ITGA8: variants seen among roughly 807,000 people sequenced by gnomAD.
The protein encoded by ITGA8 is integrin subunit alpha 8, also known as integrin alpha-8.
A neutral mutation model predicts 142.3 loss-of-function variants in ITGA8; 91 were observed. The ratio of observed to expected loss-of-function variants is 0.64; its 90% CI spans 0.54 to 0.76. The LOEUF (loss-of-function observed/expected upper bound fraction) is 0.76. Ranked by LOEUF, ITGA8 falls within the 30% of genes least tolerant of loss-of-function variation. ITGA8 has a pLI of 0.00. For missense variants in ITGA8, 1,406 were observed against 1,327.7 expected, an observed-to-expected ratio of 1.06 and a Z score of -0.92; for synonymous variants, 505 against 485.2, an observed-to-expected ratio of 1.04 and a Z score of -0.54.
chr10:15,563,678 G>A (rs1834023153), intron 25 of ITGA8, among the ~76,000 whole-genome samples: 1 of 152,184 alleles, frequency 6.6e-6, no homozygotes, highest in South Asian at 2.1e-4. Context: ...ACTTTGGGAG[G>A]CCGAGGCAGG....
At chr10:15,646,718 A>G (rs374713922) in intron 12 of ITGA8, 128 bp downstream of exon 12, 2 of 616,896 alleles carry the variant, frequency 3.2e-6, no homozygotes, top group Non-Finnish European at 2.8e-6. Flanking sequence ...GATTTGTGAT[A>G]GTTTATTAAA....
At chr10:15,531,922 G>A (rs987885757) in intron 27 of ITGA8, among the ~76,000 whole-genome samples, 1 of 151,620 alleles carries the variant, frequency 6.6e-6, no homozygotes, top group African/African-American at 2.4e-5. Flanking sequence ...TCCGACCTGG[G>A]CAACAGGATC....
intron 2 of ITGA8, among the ~76,000 whole-genome samples, chr10:15,696,449 T>A (rs1048723188): frequency 1.3e-5 from 2 of 151,868 alleles, no homozygotes; most frequent in Non-Finnish European, 2.9e-5. Flanking sequence ...TAGAAAAAAA[T>A]TTCTAAGGAT....
At chr10:15,656,542 T>G (rs181201932) in intron 10 of ITGA8, among the ~76,000 whole-genome samples, 3 of 152,040 alleles carry the variant, frequency 2.0e-5, no homozygotes, top group Admixed American at 6.5e-5. Context: ...TTTTCTATTT[T>G]TAGTAGAGAT....
chr10:15,689,395 C>T (rs1834891653), intron 2 of ITGA8, among the ~76,000 whole-genome samples: 1 of 152,122 alleles, frequency 6.6e-6, no homozygotes, highest in South Asian at 2.1e-4. Context: ...AGAAGTGATC[C>T]ACCCTCTCGC....
chr10:15,564,575 G>A (rs1307812058), intron 25 of ITGA8, among the ~76,000 whole-genome samples: 2 of 152,184 alleles, frequency 1.3e-5, no homozygotes, highest in African/African-American at 4.8e-5. Context: ...TCAGAATTTA[G>A]CCCAACAGGA....
Position 15,516,180 on chromosome 10 carries a change from T to C in ITGA8, c.*978A>G, listed in dbSNP as rs1024024465. 2.0e-5 allele frequency: 3 copies of C among 152,210 alleles called. No individual in the cohort carries two copies. The highest frequency in any genetic ancestry group is 7.2e-5 in the African/African-American group (3 of 41,462). 9.4% of individuals were successfully genotyped at this position (152,210 alleles called of 1,614,324 possible). On this transcript the variant is annotated 3_prime_UTR_variant, in exon 30 of 30. Transcript: ENST00000378076. Reference sequence around the variant, plus strand: ...AAATTGCTTTTTAATTAATGAACTCTAGACATTTTACCATGACTTTTAAAC... The same window carrying C: ...AAATTGCTTTTTAATTAATGAACTCCAGACATTTTACCATGACTTTTAAAC...
At chr10:15,574,874 C>T (rs1834255151) in intron 24 of ITGA8, among the ~76,000 whole-genome samples, 1 of 151,688 alleles carries the variant, frequency 6.6e-6, no homozygotes, top group Non-Finnish European at 1.5e-5. Context: ...AGGAAGCTAG[C>T]CATTTTTATG....
At chr10:15,594,899 T>C (rs1200401413) in intron 21 of ITGA8, among the ~76,000 whole-genome samples, 1 of 152,236 alleles carries the variant, frequency 6.6e-6, no homozygotes, top group African/African-American at 2.4e-5. Context: ...GTTTTCATTA[T>C]AGAACAATAA....
At chr10:15,703,066 TA>T (rs1835194967) in intron 2 of ITGA8, among the ~76,000 whole-genome samples, 1 of 152,218 alleles carries the variant, frequency 6.6e-6, no homozygotes. Flanking sequence ...TATCGCTATT[TA>T]AATATTAAGT....
At chr10:15,651,484 A>G (rs2131660676) in intron 11 of ITGA8, among the ~76,000 whole-genome samples, 1 of 152,256 alleles carries the variant, frequency 6.6e-6, no homozygotes, top group African/African-American at 2.4e-5. Flanking sequence ...ACAGAAAAAT[A>G]TCAGGGAAAA....
At chr10:15,610,858 A>G (rs376153873) in intron 15 of ITGA8, among the ~76,000 whole-genome samples, 34 of 152,276 alleles carry the variant, frequency 2.2e-4, no homozygotes, top group African/African-American at 7.7e-4. Flanking sequence ...CTGGGTCGTT[A>G]CTCACTTTTA....
At chr10:15,568,495 T>G (rs899359239) in intron 25 of ITGA8, among the ~76,000 whole-genome samples, 1 of 152,228 alleles carries the variant, frequency 6.6e-6, no homozygotes, top group Non-Finnish European at 1.5e-5. Context: ...CAGTTTCTAC[T>G]GTGATAAAAA....
chr10:15,717,426 ATTC>A (rs1835474208), intron 2 of ITGA8, among the ~76,000 whole-genome samples: 2 of 152,202 alleles, frequency 1.3e-5, no homozygotes, highest in Admixed American at 1.3e-4. Flanking sequence ...TACGAAGCTT[ATTC>A]TTAAACTAGA....
At chr10:15,561,209 C>CTATATATATATATATATATATATATG (rs1186465880) in intron 25 of ITGA8, among the ~76,000 whole-genome samples, 1 of 116,948 alleles carries the variant, frequency 8.6e-6, no homozygotes, top group African/African-American at 3.7e-5. Flanking sequence ...TATCTGTTGG[C>CTATATATATATATATATATATATATG]TATATATATA....
At chr10:15,539,584 G>T (rs1833527066) in intron 27 of ITGA8, among the ~76,000 whole-genome samples, 1 of 152,080 alleles carries the variant, frequency 6.6e-6, no homozygotes, top group African/African-American at 2.4e-5. Context: ...ATCCTGAATT[G>T]TCTGCCTTAT....
chr10:15,689,372 G>A (rs1834890971), intron 2 of ITGA8, among the ~76,000 whole-genome samples: 1 of 152,162 alleles, frequency 6.6e-6, no homozygotes, highest in South Asian at 2.1e-4. Flanking sequence ...AGAAACTCCG[G>A]ATGGCCGCAG....
At position 15,548,581 on chromosome 10, in the gene ITGA8, G is replaced by A. The variant is rs1201380822; in HGVS notation, c.2767-13C>T. On this transcript the variant is annotated splice_polypyrimidine_tract_variant and intron_variant, in intron 26 of 29. Transcript: ENST00000378076. Reference sequence around the variant, plus strand: ...TATTTGTACAATTCTGCAAACAGCAGTGGGAACACGTCAGAGTCTTTAAAT... The same window carrying A: ...TATTTGTACAATTCTGCAAACAGCAATGGGAACACGTCAGAGTCTTTAAAT... The A allele has an allele frequency of 6.5e-7, 1 of 1,530,104 alleles. No homozygotes were observed. Among genetic ancestry groups the A allele is most frequent in the Non-Finnish European group, 9.0e-7 (1 of 1,106,342 alleles). 94.8% of individuals were successfully genotyped at this position (1,530,104 alleles called of 1,614,324 possible).
At chr10:15,663,293 ATATTT>A (rs1163884655) in intron 8 of ITGA8, among the ~76,000 whole-genome samples, 1 of 152,072 alleles carries the variant, frequency 6.6e-6, no homozygotes, top group Admixed American at 6.6e-5. Context: ...CCATTTTCAG[ATATTT>A]TATTTTAGAT....
Sources: gnomAD v4.1 joint callset for allele counts (sites outside exome capture counted in the v4.1 genomes callset) on GRCh38, gnomAD v4.1.1 for gene constraint, MANE v1.5 for transcripts, NCBI Gene and HGNC (gene_info 2026-07-23, HGNC 2026-07-21) for gene names.